SUN1: variants seen among roughly 807,000 people sequenced by gnomAD.
SUN1 encodes SUN domain-containing protein 1.
In SUN1, 61 loss-of-function variants were observed where a neutral mutation model predicts 103.2. The ratio of observed to expected loss-of-function variants is 0.59; its 90% CI spans 0.48 to 0.73. The LOEUF is 0.73. SUN1 is among the 30% of genes least tolerant of loss of function. The pLI, the probability that SUN1 is intolerant of heterozygous loss-of-function variation, is 0.00. For missense variants in SUN1, 1,052 were observed against 1,034.6 expected (o/e 1.02, Z -0.23); for synonymous variants, 490 against 425.7 (o/e 1.15, Z -1.86).
chr7:817,540 CT>C, intron 1 of SUN1: 2 of 1,533,376 alleles, frequency 1.3e-6, no homozygotes, highest in Non-Finnish European at 1.7e-6. Flanking sequence ...CGCTTTGCAG[CT>C]TGTGGTTGCT....
At chr7:854,512 T>A (rs1183936482) in intron 10 of SUN1, among the ~76,000 whole-genome samples, 2 of 152,264 alleles carry the variant, frequency 1.3e-5, no homozygotes, top group East Asian at 3.8e-4. Flanking sequence ...ACAGCACAGA[T>A]GCAGCACGTC....
intron 12 of SUN1, among the ~76,000 whole-genome samples, chr7:857,061 G>T (rs1828175352): frequency 6.6e-6 from 1 of 152,196 alleles, no homozygotes; most frequent in South Asian, 2.1e-4. Flanking sequence ...GTCCCCTTAA[G>T]TGGGGTGCTT....
intron 1 of SUN1, among the ~76,000 whole-genome samples, chr7:821,056 T>G (rs1785407073): frequency 6.6e-6 from 1 of 151,574 alleles, no homozygotes; most frequent in Admixed American, 6.6e-5. Context: ...TTTTCTTTTC[T>G]CCCTTTCATT....
intron 1 of SUN1, 65 bp downstream of exon 1, chr7:832,666 G>T: frequency 7.6e-7 from 1 of 1,315,752 alleles, no homozygotes; most frequent in Non-Finnish European, 1.1e-6. Context: ...CGGTGGCGTG[G>T]ACCTTAACAG....
chr7:837,002 G>A (rs900402093), intron 1 of SUN1, among the ~76,000 whole-genome samples: 2 of 152,204 alleles, frequency 1.3e-5, no homozygotes, highest in Non-Finnish European at 2.9e-5. Context: ...CATGGCCCCC[G>A]ACGCATGGAT....
upstream of SUN1, chr7:832,021 TTC>T (rs1798452460): frequency 3.0e-6 from 3 of 987,592 alleles, no homozygotes; most frequent in Non-Finnish European, 3.6e-6. Context: ...ACCCTGCAGT[TTC>T]TTTTCTGATT....
chr7:856,248 GA>G, intron 11 of SUN1, 109 bp from the exon 12 acceptor site: 3 of 1,137,736 alleles, frequency 2.6e-6, no homozygotes, highest in Non-Finnish European at 3.9e-6. Flanking sequence ...TCTGGACTTT[GA>G]ATTAAAGGGG....
chr7:849,388 C>A, intron 5 of SUN1: 1 of 590,488 alleles, frequency 1.7e-6, no homozygotes, highest in South Asian at 1.7e-5. Flanking sequence ...TGGTAGGAGC[C>A]ATCGGCTGTG....
chr7:872,346 C>CAGAA, intron 17 of SUN1, 124 bp from the exon 18 acceptor site: 1 of 756,858 alleles, frequency 1.3e-6, no homozygotes. Flanking sequence ...GAGGAATGAC[C>CAGAA]TTCTCTTACT....
chr7:839,086 T>C, intron 2 of SUN1, 100 bp downstream of exon 2: 2 of 1,261,568 alleles, frequency 1.6e-6, no homozygotes, highest in East Asian at 2.6e-5. Flanking sequence ...GTCTCGAGCT[T>C]AAGGATATGT....
intron 5 of SUN1, chr7:849,623 C>T (rs1431827767): frequency 4.0e-6 from 6 of 1,509,638 alleles, no homozygotes; most frequent in Non-Finnish European, 5.4e-6. Flanking sequence ...GCTTCGTTTT[C>T]CTGTGGGCGT....
At chr7:860,628 C>T (rs552167909) in intron 14 of SUN1, among the ~76,000 whole-genome samples, 2 of 152,322 alleles carry the variant, frequency 1.3e-5, no homozygotes, top group Non-Finnish European at 2.9e-5. Context: ...GTTCTTTATA[C>T]TTTGTGAATC....
At chr7:822,920 A>G (rs907745903) in intron 1 of SUN1, among the ~76,000 whole-genome samples, 1 of 152,146 alleles carries the variant, frequency 6.6e-6, no homozygotes, top group Non-Finnish European at 1.5e-5. Flanking sequence ...CCACCCGTGA[A>G]TTCCCACACA....
At chr7:854,854 C>A (rs960964914) in intron 10 of SUN1, 66 bp from the exon 11 acceptor site, 1 of 1,233,032 alleles carries the variant, frequency 8.1e-7, no homozygotes, top group East Asian at 2.3e-5. Flanking sequence ...AACGCCTTGG[C>A]CTGATTTGCC....
intron 12 of SUN1, among the ~76,000 whole-genome samples, chr7:857,162 G>A (rs911597331): frequency 1.3e-5 from 2 of 152,160 alleles, no homozygotes; most frequent in African/African-American, 4.8e-5. Flanking sequence ...CTCCCCGCCT[G>A]TAGATTCGGC....
At chr7:834,990 C>T (rs570516911) in intron 1 of SUN1, among the ~76,000 whole-genome samples, 2 of 152,178 alleles carry the variant, frequency 1.3e-5, no homozygotes, top group Non-Finnish European at 2.9e-5. Flanking sequence ...GCAGGAGAAT[C>T]GCTTGAACCC....
In SUN1 at chr7:866,035, T is replaced by C. The variant is rs1836213889; in HGVS notation, c.1948T>C (p.Tyr650His). The C allele has an allele frequency of 6.2e-7, 1 of 1,614,140 alleles. No homozygotes were observed. Among genetic ancestry groups the C allele is most frequent in the South Asian group, 1.1e-5 (1 of 91,076 alleles). Residue 650 changes from tyrosine to histidine, a missense_variant, in exon 16 of 19, where the codon TAC becomes CAC. Coordinates refer to ENST00000401592, the MANE Select transcript of SUN1 (RefSeq NM_001130965.3). ...GAGTCTGTTTGGGATCCCGCTGTGGTACTTCTCGCAGTCCCCGCGCGTGGT... is the reference window on the plus strand; with the variant it reads ...GAGTCTGTTTGGGATCCCGCTGTGGCACTTCTCGCAGTCCCCGCGCGTGGT... ...LMSLFGIPLW[Y>H]FSQSPRVVIQ...
At chr7:856,489 C>T (rs1414137781) in intron 12 of SUN1, 88 bp downstream of exon 12, 9 of 1,488,930 alleles carry the variant, frequency 6.0e-6, no homozygotes, top group South Asian at 4.6e-5. Context: ...ATGGGGGACC[C>T]GGGGCCGGCC....
At chr7:852,492 T>C (rs1823147366) in intron 7 of SUN1, 117 bp from the exon 8 acceptor site, 1 of 1,240,022 alleles carries the variant, frequency 8.1e-7, no homozygotes, top group Admixed American at 1.8e-5. Flanking sequence ...AAACCGTAAC[T>C]GCTTTTCTAA....
Sources: allele counts gnomAD v4.1 joint callset (sites outside exome capture counted in the v4.1 genomes callset), GRCh38; gene constraint gnomAD v4.1.1; transcripts MANE v1.5; gene names NCBI Gene and HGNC (gene_info 2026-07-23, HGNC 2026-07-21).